The following OPRM1 variants were observed in gnomAD, a reference collection of about 807,000 sequenced individuals.
OPRM1 encodes opioid receptor mu 1.
OPRM1 carries 27 observed loss-of-function variants against 31.8 expected under a neutral mutation model. The observed-to-expected ratio is 0.85, with a 90% confidence interval of 0.63 to 1.17. The LOEUF is 1.17. Among genes scored for constraint, OPRM1 ranks in the 50% most tolerant of loss-of-function variants. The pLI is 0.00. For synonymous variants in OPRM1, 196 were observed against 189.9 expected, an observed-to-expected ratio of 1.03 and a Z score of -0.26; for missense variants, 536 against 511.1, an observed-to-expected ratio of 1.05 and a Z score of -0.47.
intron 2 of OPRM1, 146 bp from the exon 3 acceptor site, chr6:154,090,806 A>G (rs977044169): frequency 8.3e-6 from 6 of 721,764 alleles, no homozygotes; most frequent in African/African-American, 5.4e-5. Flanking sequence ...AAAGTAACAA[A>G]CAACTGAGTT....
chr6:154,011,974 T>C (rs906170514), intron 1 of OPRM1, among the ~76,000 whole-genome samples: 2 of 152,154 alleles, frequency 1.3e-5, no homozygotes, highest in East Asian at 3.9e-4. Flanking sequence ...ATTTAAGTTA[T>C]TGGACTTCCA....
rs1792118869 is a variant in OPRM1 at position 154,091,307 on chromosome 6, C to T, written c.999C>T (p.Leu333=). The T allele has an allele frequency of 6.2e-7, 1 of 1,614,212 alleles. No homozygotes were observed. Among genetic ancestry groups the T allele is most frequent in the Non-Finnish European group, 8.5e-7 (1 of 1,180,042 alleles). The change falls in exon 3 of 4, where the codon CTC becomes CTT. Residue 333 remains leucine, a synonymous_variant. Coordinates refer to ENST00000330432, the MANE Select transcript of OPRM1 (RefSeq NM_000914.5). ...CTCTAGGTTACACAAACAGCTGCCTCAACCCAGTCCTTTATGCATTTCTGG... is the reference window on the plus strand; with the variant it reads ...CTCTAGGTTACACAAACAGCTGCCTTAACCCAGTCCTTTATGCATTTCTGG... ...CIALGYTNSC[L]NPVLYAFLDE...
chr6:154,179,064 A>G (rs1800607671), intron 3 of OPRM1, among the ~76,000 whole-genome samples: 1 of 152,192 alleles, frequency 6.6e-6, no homozygotes, highest in East Asian at 1.9e-4. Flanking sequence ...GGGACATTAC[A>G]TTGTTTTTAT....
chr6:154,212,202 T>G (rs1039092892), intron 3 of OPRM1, among the ~76,000 whole-genome samples: 1 of 152,214 alleles, frequency 6.6e-6, no homozygotes, highest in African/African-American at 2.4e-5. Context: ...TAACTCTCCA[T>G]AGACTTCACA....
At chr6:154,052,259 G>C (rs1782366850) in intron 1 of OPRM1, among the ~76,000 whole-genome samples, 2 of 152,108 alleles carry the variant, frequency 1.3e-5, no homozygotes, top group Non-Finnish European at 2.9e-5. Context: ...ACAATTGATA[G>C]GTGCAGCAAA....
chr6:154,184,334 T>C (rs866491127), intron 3 of OPRM1, among the ~76,000 whole-genome samples: 1 of 152,040 alleles, frequency 6.6e-6, no homozygotes, highest in Non-Finnish European at 1.5e-5. Flanking sequence ...TTTTGGAGAA[T>C]AAATAATACT....
rs148699533 is a variant in OPRM1 at position 154,093,636 on chromosome 6, T to C, written c.1164+2164T>C. On this transcript the variant is annotated intron_variant, in intron 3 of 3. Transcript: ENST00000330432. Reference sequence around the variant, plus strand: ...TAGGCCTTATCTTCATCGCTGCCTCTATGAAGCAGTATCAGTGTAAGATAA... The same window carrying C: ...TAGGCCTTATCTTCATCGCTGCCTCCATGAAGCAGTATCAGTGTAAGATAA... 4.3e-5 allele frequency: 45 copies of C among 1,045,740 alleles called. No homozygotes were observed. The East Asian group carries it at 1.3e-3, about 29-fold the overall frequency. The allele number at this position is 1,045,740 out of a possible 1,614,324, so 64.8% of individuals were successfully genotyped here. A position where few individuals can be genotyped will look rare whatever the true frequency, so the allele number is the denominator to read the frequency against.
intron 3 of OPRM1, among the ~76,000 whole-genome samples, chr6:154,206,769 G>A (rs143541139): frequency 2.0e-4 from 30 of 152,290 alleles, no homozygotes; most frequent in African/African-American, 6.5e-4. Context: ...GGGAGTCAGG[G>A]GCAAGTGGTC....
chr6:154,233,044 C>T (rs1448054398), intron 3 of OPRM1, among the ~76,000 whole-genome samples: 1 of 150,744 alleles, frequency 6.6e-6, no homozygotes, highest in Non-Finnish European at 1.5e-5. Context: ...TCTCATCTCA[C>T]TGCAACCTCC....
At chr6:154,135,256 G>T (rs1182027935), downstream of OPRM1, among the ~76,000 whole-genome samples, 1 of 152,104 alleles carries the variant, frequency 6.6e-6, no homozygotes, top group Non-Finnish European at 1.5e-5. Flanking sequence ...ATCACCTGAG[G>T]TCCGGAGTTC....
intron 3 of OPRM1, among the ~76,000 whole-genome samples, chr6:154,142,103 G>A (rs894558642): frequency 1.9e-5 from 2 of 104,852 alleles, no homozygotes; most frequent in Admixed American, 2.1e-4. Context: ...CCTGTAATCT[G>A]TCCCCTCCAA....
chr6:154,033,406 A>G (rs1313929886), intron 1 of OPRM1, among the ~76,000 whole-genome samples: 2 of 152,210 alleles, frequency 1.3e-5, no homozygotes, highest in African/African-American at 4.8e-5. Context: ...CCATGGTATT[A>G]ACACCAACGA....
intron 1 of OPRM1, among the ~76,000 whole-genome samples, chr6:154,078,138 C>T (rs1241612472): frequency 6.6e-6 from 1 of 152,090 alleles, no homozygotes; most frequent in East Asian, 1.9e-4. Flanking sequence ...AACCTAGTCC[C>T]TCTTCTCTTC....
At chr6:154,093,544 A>G (rs1185589998) in intron 3 of OPRM1, 1 of 1,546,196 alleles carries the variant, frequency 6.5e-7, no homozygotes, top group African/African-American at 1.4e-5. Flanking sequence ...GATAGAAGAG[A>G]AAAGAAGCTA....
At chr6:154,136,878 A>G (rs1413462650), downstream of OPRM1, among the ~76,000 whole-genome samples, 3 of 152,202 alleles carry the variant, frequency 2.0e-5, no homozygotes, top group Non-Finnish European at 2.9e-5. Flanking sequence ...TCAAAAAAAC[A>G]TTCCTGCTGC....
At chr6:154,096,346 C>T (rs948333306) in intron 3 of OPRM1, among the ~76,000 whole-genome samples, 2 of 152,096 alleles carry the variant, frequency 1.3e-5, no homozygotes, top group African/African-American at 4.8e-5. Context: ...AGACGTGAGC[C>T]CCTGTGTCTG....
intron 3 of OPRM1, among the ~76,000 whole-genome samples, chr6:154,179,184 T>G (rs1283458154): frequency 1.3e-5 from 2 of 152,152 alleles, no homozygotes; most frequent in Non-Finnish European, 2.9e-5. Context: ...AAGGTACAAG[T>G]GCAAAAGAAA....
intron 3 of OPRM1, among the ~76,000 whole-genome samples, chr6:154,142,855 T>C (rs1275783435): frequency 6.6e-6 from 1 of 152,200 alleles, no homozygotes; most frequent in Non-Finnish European, 1.5e-5. Context: ...CCTTTTAGCC[T>C]TGCAGTCCAT....
intron 3 of OPRM1, among the ~76,000 whole-genome samples, chr6:154,200,911 C>T (rs1218143632): frequency 2.0e-5 from 3 of 152,150 alleles, no homozygotes; most frequent in Non-Finnish European, 4.4e-5. Flanking sequence ...CAAATCTCAC[C>T]TCGAATTGTA....
Sources: gnomAD v4.1 joint callset for allele counts (sites outside exome capture counted in the v4.1 genomes callset) on GRCh38, gnomAD v4.1.1 for gene constraint, MANE v1.5 for transcripts, NCBI Gene and HGNC (gene_info 2026-07-23, HGNC 2026-07-21) for gene names.